NUCB1: variants seen among roughly 807,000 people sequenced by gnomAD.
NUCB1 encodes the protein nucleobindin 1.
In NUCB1, 47 loss-of-function variants were observed where a neutral mutation model predicts 61.2. That is an observed-to-expected ratio of 0.77 (90% CI 0.61 to 0.98). The LOEUF is 0.98. Among genes scored for constraint, NUCB1 ranks in the 50% least tolerant of loss-of-function variants. The pLI is 0.00. For missense variants in NUCB1, 583 were observed against 605.3 expected, an observed-to-expected ratio of 0.96 and a Z score of 0.39; for synonymous variants, 234 against 243.1, an observed-to-expected ratio of 0.96 and a Z score of 0.35.
At position 48,922,427 on chromosome 19, in the gene NUCB1, C is replaced by A. The variant is rs1217835072; in HGVS notation, c.*3C>A. On this transcript the variant is annotated 3_prime_UTR_variant, in exon 13 of 13. Coordinates refer to ENST00000405315, the MANE Select transcript of NUCB1 (RefSeq NM_006184.6). ...TTGAGGTGCCCCAGCATCTGTGATC[C>A]TCCGGGACCCCAGCCCTCAGGATTC... 3.1e-6 allele frequency: 5 copies of A among 1,610,728 alleles called. No individual in the cohort carries two copies. The highest frequency in any genetic ancestry group is 4.2e-6 in the Non-Finnish European group (5 of 1,177,180).
rs1280678571 is a variant in NUCB1, at chr19:48,913,131, G to C, written c.601G>C (p.Glu201Gln). Residue 201 changes from glutamate (E) to glutamine (Q), a missense_variant, in exon 6 of 13, where the codon GAG becomes CAG. Coordinates refer to ENST00000405315, the MANE Select transcript of NUCB1 (RefSeq NM_006184.6). ...LESLGEEQRK[E>Q]AERKLEEQQR... ...GTCACTGGGAGAGGAGCAGAGAAAGGAGGCGGAGAGGAAGCTGGAAGAGCA... is the reference window on the plus strand; with the variant it reads ...GTCACTGGGAGAGGAGCAGAGAAAGCAGGCGGAGAGGAAGCTGGAAGAGCA... 1.1e-5 allele frequency: 17 copies of C among 1,613,836 alleles called. No individual in the cohort carries two copies. Among genetic ancestry groups the C allele is most frequent in the Non-Finnish European group, 1.4e-5 (17 of 1,179,992 alleles).
chr19:48,913,410 AT>A, intron 6 of NUCB1, 63 bp from the exon 7 acceptor site: 1 of 1,423,972 alleles, frequency 7.0e-7, no homozygotes, highest in Non-Finnish European at 9.9e-7. Context: ...GTAAAGGGAT[AT>A]TTGGTTTTAT....
intron 4 of NUCB1, among the ~76,000 whole-genome samples, chr19:48,909,592 A>G (rs1270325592): frequency 2.6e-5 from 4 of 152,034 alleles, no homozygotes; most frequent in South Asian, 2.1e-4. Context: ...TCCAGGCTAG[A>G]GTGCAGTGGT....
intron 4 of NUCB1, among the ~76,000 whole-genome samples, chr19:48,906,611 C>G (rs763288049): frequency 3.3e-5 from 5 of 151,758 alleles, no homozygotes; most frequent in Non-Finnish European, 7.4e-5. Context: ...GTGGTCCCAC[C>G]TCCTTAGGAA....
chr19:48,915,451 G>C (rs113180143), intron 7 of NUCB1, among the ~76,000 whole-genome samples: 17,998 of 152,210 alleles, frequency 0.12, 1,166 homozygotes, highest in Middle Eastern at 0.2. Context: ...GTTGCAATGA[G>C]CTGAGATCAC....
In NUCB1 at chr19:48,908,721, G is replaced by GGTGGGGGTGT. The variant is rs780595245; in HGVS notation, c.377-2425_377-2424insGGGGTGTGTG. Reference sequence around the variant, plus strand: ...TGTCTTTCTGCCCACTTGACCAAGGGGTGTGTGTGTGTGTGTGTGTGTGTG... The same window carrying GGTGGGGGTGT: ...TGTCTTTCTGCCCACTTGACCAAGGGGTGGGGGTGTGTGTGTGTGTGTGTGTGTGTGTGTG... On this transcript the variant is annotated intron_variant, in intron 4 of 12. Coordinates refer to ENST00000405315, the MANE Select transcript of NUCB1 (RefSeq NM_006184.6). Among the ~76,000 whole-genome samples, 5 of 109,368 alleles carry GGTGGGGGTGT rather than the reference G, an allele frequency of 4.6e-5. No individual in the cohort carries two copies. In the East Asian group the frequency reaches 8.4e-4, roughly 18 times the overall value. The allele number at this position is 109,368 out of a possible 152,430, so 71.7% of individuals were successfully genotyped here. A position where few individuals can be genotyped will look rare whatever the true frequency, so the allele number is the denominator to read the frequency against.
intron 7 of NUCB1, among the ~76,000 whole-genome samples, chr19:48,914,858 A>G (rs1181637220): frequency 6.6e-6 from 1 of 151,640 alleles, no homozygotes. Context: ...AGGTGGGAGG[A>G]TCACCTGAGG....
chr19:48,903,271 G>A (rs115105675), intron 2 of NUCB1, among the ~76,000 whole-genome samples: 56 of 152,228 alleles, frequency 3.7e-4, no homozygotes, highest in African/African-American at 1.3e-3. Context: ...GACGGGGGTG[G>A]GACTAGGAGG....
At position 48,923,021 on chromosome 19, in the gene NUCB1, C is replaced by G. The variant is rs904085985; in HGVS notation, c.*597C>G. 27 of 153,184 alleles carry G rather than the reference C, an allele frequency of 1.8e-4. No homozygotes were observed. The highest frequency in any genetic ancestry group is 6.5e-4 in the African/African-American group (27 of 41,480). 9.5% of individuals were successfully genotyped at this position (153,184 alleles called of 1,614,324 possible). On this transcript the variant is annotated 3_prime_UTR_variant, in exon 13 of 13. Coordinates refer to ENST00000405315, the MANE Select transcript of NUCB1 (RefSeq NM_006184.6). ...ACCAGGAGCCTGGGCCTCCCTGAACCCCTGGCTTCCAGCCATCTCATCGCC... is the reference window on the plus strand; with the variant it reads ...ACCAGGAGCCTGGGCCTCCCTGAACGCCTGGCTTCCAGCCATCTCATCGCC...
chr19:48,911,532 A>T (rs1041610389), intron 5 of NUCB1, among the ~76,000 whole-genome samples: 4 of 150,968 alleles, frequency 2.6e-5, no homozygotes, highest in Non-Finnish European at 4.4e-5. Flanking sequence ...CAGCCTCCCG[A>T]GTAGCTAGGA....
chr19:48,902,581 T>C (rs2037364305), intron 2 of NUCB1, among the ~76,000 whole-genome samples: 1 of 151,840 alleles, frequency 6.6e-6, no homozygotes. Context: ...TAATTTTTTT[T>C]GTATTTTTGA....
chr19:48,918,620 T>A lies in NUCB1; in HGVS notation c.758-106T>A, dbSNP rs576517609. The A allele has an allele frequency of 3.1e-5, 27 of 861,618 alleles. 1 individual carries two copies. In the South Asian group the frequency reaches 3.7e-4, roughly 12 times the overall value. The allele number at this position is 861,618 out of a possible 1,614,324, so 53.4% of individuals were successfully genotyped here. On this transcript the variant is annotated intron_variant, in intron 7 of 12. Coordinates refer to ENST00000405315, the MANE Select transcript of NUCB1 (RefSeq NM_006184.6). The stretch of plus-strand genomic sequence containing the variant: ...CCACCGCGGGAGACCCGTAGTTACC[T>A]GTCCTCTGATAACAGACCCCACATC...
chr19:48,907,205 C>G (rs1350020516), intron 4 of NUCB1, among the ~76,000 whole-genome samples: 1 of 151,546 alleles, frequency 6.6e-6, no homozygotes, highest in Non-Finnish European at 1.5e-5. Context: ...TGATCTCTAA[C>G]CTCGTGATCC....
At chr19:48,912,729 G>A (rs1331942659) in intron 5 of NUCB1, among the ~76,000 whole-genome samples, 3 of 150,938 alleles carry the variant, frequency 2.0e-5, no homozygotes, top group South Asian at 2.1e-4. Context: ...CCAGCTACTC[G>A]AAAGGCCGAG....
intron 2 of NUCB1, 129 bp downstream of exon 2, chr19:48,901,060 C>A: frequency 9.2e-7 from 1 of 1,092,134 alleles, no homozygotes; most frequent in Non-Finnish European, 1.4e-6. Context: ...GTTTTTTGCC[C>A]ACCATTCCTC....
At chr19:48,917,825 A>G (rs56190816) in intron 7 of NUCB1, among the ~76,000 whole-genome samples, 5,299 of 130,012 alleles carry the variant, frequency 0.041, 321 homozygotes, top group African/African-American at 0.15. Context: ...TTTTTTTTGT[A>G]GAGACGGGGT....
chr19:48,922,213 G>A (rs2037618846), intron 12 of NUCB1, 105 bp from the exon 13 acceptor site: 2 of 932,116 alleles, frequency 2.1e-6, no homozygotes, highest in African/African-American at 1.7e-5. Context: ...GGAGGGGCTG[G>A]GGGCTGGACC....
intron 5 of NUCB1, among the ~76,000 whole-genome samples, 178 bp from the exon 6 acceptor site, chr19:48,912,833 G>A (rs2037490141): frequency 8.8e-6 from 1 of 113,756 alleles, no homozygotes; most frequent in South Asian, 2.9e-4. Flanking sequence ...AACAGAGCAA[G>A]ACTCCCTCTC....
At chr19:48,914,493 G>A (rs534666928) in intron 7 of NUCB1, among the ~76,000 whole-genome samples, 2 of 152,150 alleles carry the variant, frequency 1.3e-5, no homozygotes, top group South Asian at 2.1e-4. Context: ...TCAAGACCCC[G>A]TGGATACAAC....
Sources: allele counts gnomAD v4.1 joint callset (sites outside exome capture counted in the v4.1 genomes callset), GRCh38; gene constraint gnomAD v4.1.1; transcripts MANE v1.5; gene names NCBI Gene and HGNC (gene_info 2026-07-23, HGNC 2026-07-21).